GPR158: variants seen among roughly 807,000 people sequenced by gnomAD.
GPR158 encodes the protein metabotropic glycine receptor.
In GPR158, 30 loss-of-function variants were observed where a neutral mutation model predicts 78.2. That is an observed-to-expected ratio of 0.38 (90% CI 0.29 to 0.52). The LOEUF (loss-of-function observed/expected upper bound fraction) is 0.52. Ranked by LOEUF, GPR158 falls within the 20% of genes least tolerant of loss-of-function variation. GPR158 has a pLI of 0.83. For missense variants in GPR158, 1,463 were observed against 1,523.5 expected (o/e 0.96, Z 0.66); for synonymous variants, 581 against 591.1 (o/e 0.98, Z 0.25).
At chr10:25,427,080 A>C (rs907744046) in intron 4 of GPR158, among the ~76,000 whole-genome samples, 3 of 152,064 alleles carry the variant, frequency 2.0e-5, no homozygotes, top group African/African-American at 7.2e-5. Context: ...TTTTGTCCTT[A>C]TCTTTTCCTA....
chr10:25,509,188 C>T (rs1458913633), intron 5 of GPR158, among the ~76,000 whole-genome samples: 1 of 152,134 alleles, frequency 6.6e-6, no homozygotes, highest in Non-Finnish European at 1.5e-5. Context: ...TGTCTCTGGA[C>T]ATTTTCACAT....
At chr10:25,531,597 G>T (rs1836423027) in intron 5 of GPR158, among the ~76,000 whole-genome samples, 1 of 150,266 alleles carries the variant, frequency 6.7e-6, no homozygotes, top group African/African-American at 2.4e-5. Flanking sequence ...AAACAGGCTG[G>T]CAAAGTGGCT....
chr10:25,206,267 G>A lies in GPR158; in HGVS notation c.903-14785G>A, dbSNP rs61855480. On this transcript the variant is annotated intron_variant, in intron 1 of 10. Coordinates refer to ENST00000376351, the MANE Select transcript of GPR158 (RefSeq NM_020752.3). ...CTCCCAAAGTGCTGGGATTACAGGC[G>A]TGAGCCACCGCGCCCGGCCCAGATA... 3.1e-4 allele frequency among the ~76,000 whole-genome samples: 47 copies of A among 152,078 alleles called. 1 individual carries two copies. Among genetic ancestry groups the A allele is most frequent in the African/African-American group, 7.7e-4 (32 of 41,406 alleles).
At chr10:25,340,648 G>C (rs536467264) in intron 2 of GPR158, among the ~76,000 whole-genome samples, 1 of 152,012 alleles carries the variant, frequency 6.6e-6, no homozygotes. Flanking sequence ...TAGTGAATTA[G>C]AATTTGGGTC....
chr10:25,336,184 G>A (rs1344306368), intron 2 of GPR158, among the ~76,000 whole-genome samples: 1 of 151,968 alleles, frequency 6.6e-6, no homozygotes, highest in African/African-American at 2.4e-5. Context: ...TATTTAACCT[G>A]TGTACATATC....
At chr10:25,241,159 TTC>T (rs1491141803) in intron 2 of GPR158, among the ~76,000 whole-genome samples, 1 of 124,762 alleles carries the variant, frequency 8.0e-6, no homozygotes, top group African/African-American at 3.9e-5. Flanking sequence ...CTTTCTTTCT[TTC>T]TTTCTTTCTT....
rs759360904 is a variant in GPR158 at position 25,572,907 on chromosome 10, G to A, written c.1753+20G>A. 61 of 1,361,588 alleles carry A rather than the reference G, an allele frequency of 4.5e-5. No individual in the cohort carries two copies. The highest frequency in any genetic ancestry group is 3.6e-4 in the South Asian group (31 of 86,182). The allele number at this position is 1,361,588 out of a possible 1,614,324, so 84.3% of individuals were successfully genotyped here. A position where few individuals can be genotyped will look rare whatever the true frequency, so the allele number is the denominator to read the frequency against. The stretch of plus-strand genomic sequence containing the variant: ...CAGTTGGTATGTGGTCACTTGTTTC[G>A]TATGATGGTCTTACCATTTTTCAGT... On this transcript the variant is annotated intron_variant, in intron 7 of 10. Transcript: ENST00000376351.
Position 25,529,383 on chromosome 10 carries a change from CA to C in GPR158, c.1405-21583del, listed in dbSNP as rs144940987. On this transcript the variant is annotated intron_variant, in intron 5 of 10. Transcript: ENST00000376351. ...GCCTCGGTGACAGAGCGAGACTCCTCAAAAAAAAAATCAATTTGAGAGTATA... is the reference window on the plus strand; with the variant it reads ...GCCTCGGTGACAGAGCGAGACTCCTCAAAAAAAAATCAATTTGAGAGTATA... Among the ~76,000 whole-genome samples the C allele has an allele frequency of 4.1e-3, 601 of 146,762 alleles. 2 individuals carry two copies. The highest frequency in any genetic ancestry group is 0.014 in the African/African-American group (563 of 40,152).
chr10:25,225,477 C>T (rs1853361004), intron 2 of GPR158, among the ~76,000 whole-genome samples: 1 of 152,090 alleles, frequency 6.6e-6, no homozygotes, highest in African/African-American at 2.4e-5. Flanking sequence ...TTCAGGATGT[C>T]TCAAGTGCAT....
chr10:25,306,970 T>C (rs1178511276), intron 2 of GPR158, among the ~76,000 whole-genome samples: 1 of 150,276 alleles, frequency 6.7e-6, no homozygotes, highest in Admixed American at 6.7e-5. Context: ...AGGGAAAGGG[T>C]TGGGGGAGAG....
chr10:25,253,851 A>C (rs887657646), intron 2 of GPR158, among the ~76,000 whole-genome samples: 3 of 152,192 alleles, frequency 2.0e-5, no homozygotes, highest in African/African-American at 7.2e-5. Flanking sequence ...CAGCAAACCA[A>C]ATATTGTCCA....
chr10:25,571,263 C>T (rs1837004431), intron 6 of GPR158, among the ~76,000 whole-genome samples: 1 of 152,094 alleles, frequency 6.6e-6, no homozygotes. Flanking sequence ...TGACGTTCCA[C>T]AGAAAAATTG....
chr10:25,303,906 A>G (rs1854632578), intron 2 of GPR158, among the ~76,000 whole-genome samples: 1 of 152,174 alleles, frequency 6.6e-6, no homozygotes, highest in Admixed American at 6.5e-5. Flanking sequence ...GTTTTTGCCA[A>G]ATTAGAGACT....
chr10:25,376,432 T>C (rs1588834163), intron 2 of GPR158, among the ~76,000 whole-genome samples: 1 of 151,808 alleles, frequency 6.6e-6, no homozygotes, highest in African/African-American at 2.4e-5. Context: ...TAATTATCTT[T>C]CCTCTTTGAT....
At chr10:25,554,646 C>A (rs1836764700) in intron 6 of GPR158, among the ~76,000 whole-genome samples, 1 of 152,052 alleles carries the variant, frequency 6.6e-6, no homozygotes, top group Admixed American at 6.6e-5. Flanking sequence ...TGGTCTCTCC[C>A]CACATTTCAG....
intron 1 of GPR158, among the ~76,000 whole-genome samples, chr10:25,203,415 C>G (rs1322891518): frequency 6.6e-6 from 1 of 151,818 alleles, no homozygotes; most frequent in East Asian, 1.9e-4. Context: ...TAATCCATCT[C>G]GAATTAATTT....
chr10:25,242,175 C>T (rs370427925), intron 2 of GPR158, among the ~76,000 whole-genome samples: 10 of 152,268 alleles, frequency 6.6e-5, no homozygotes, highest in African/African-American at 9.6e-5. Flanking sequence ...ACCTAGGCCA[C>T]GCTTAGGGTA....
At chr10:25,331,366 T>C (rs1855119798) in intron 2 of GPR158, among the ~76,000 whole-genome samples, 1 of 152,218 alleles carries the variant, frequency 6.6e-6, no homozygotes, top group Non-Finnish European at 1.5e-5. Context: ...ATACCACATT[T>C]AGCAGTATTT....
chr10:25,187,251 C>G (rs954334111), intron 1 of GPR158, among the ~76,000 whole-genome samples: 3 of 150,884 alleles, frequency 2.0e-5, no homozygotes, highest in Non-Finnish European at 4.4e-5. Flanking sequence ...AGGCGTTAGC[C>G]ACCGCGTCCG....
Sources: gnomAD v4.1 joint callset for allele counts (sites outside exome capture counted in the v4.1 genomes callset) on GRCh38, gnomAD v4.1.1 for gene constraint, MANE v1.5 for transcripts, NCBI Gene and HGNC (gene_info 2026-07-23, HGNC 2026-07-21) for gene names.